Variants in PTPRT observed in about 807,000 individuals in gnomAD.
PTPRT encodes receptor-type tyrosine-protein phosphatase T.
Under a neutral mutation model 176.8 loss-of-function variants are expected in PTPRT, and 56 were observed. The ratio of observed to expected loss-of-function variants is 0.32; its 90% CI spans 0.26 to 0.40. The LOEUF is 0.40. PTPRT is among the 10% of genes least tolerant of loss of function. The pLI is 1.00. For missense variants in PTPRT, 1,540 were observed against 1,908.2 expected, an observed-to-expected ratio of 0.81 and a Z score of 3.60; for synonymous variants, 783 against 739.0, an observed-to-expected ratio of 1.06 and a Z score of -0.96.
At chr20:42,840,176 C>T (rs1048906870) in intron 2 of PTPRT, among the ~76,000 whole-genome samples, 1 of 152,050 alleles carries the variant, frequency 6.6e-6, no homozygotes, top group South Asian at 2.1e-4. Flanking sequence ...TAATCCCTGG[C>T]ATTACTTGGT....
intron 17 of PTPRT, among the ~76,000 whole-genome samples, chr20:42,149,882 C>T (rs963925877): frequency 4.6e-5 from 7 of 152,124 alleles, no homozygotes; most frequent in Admixed American, 3.9e-4. Context: ...ACTCTCCCTG[C>T]GAGTGCAACC....
At chr20:42,753,080 C>T (rs748921219) in intron 6 of PTPRT, among the ~76,000 whole-genome samples, 11 of 152,154 alleles carry the variant, frequency 7.2e-5, no homozygotes, top group Admixed American at 3.3e-4. Flanking sequence ...GGCAAGTTAG[C>T]TAGACGGACC....
At chr20:42,986,318 A>C (rs2146096945) in intron 1 of PTPRT, among the ~76,000 whole-genome samples, 1 of 152,292 alleles carries the variant, frequency 6.6e-6, no homozygotes, top group South Asian at 2.1e-4. Flanking sequence ...TCTGTGACTC[A>C]CTGAGGTGTT....
intron 7 of PTPRT, among the ~76,000 whole-genome samples, chr20:42,624,122 C>T (rs2074250822): frequency 6.6e-6 from 1 of 152,068 alleles, no homozygotes; most frequent in Admixed American, 6.5e-5. Flanking sequence ...TGAACACTGT[C>T]ATATTTAACT....
At position 42,078,837 on chromosome 20, in the gene PTPRT, A is replaced by C. The variant is rs540192384; in HGVS notation, c.*2042T>G. The C allele has an allele frequency of 5.7e-6, 1 of 174,326 alleles. No individual in the cohort carries two copies. Among genetic ancestry groups the C allele is most frequent in the South Asian group, 2.0e-4 (1 of 4,994 alleles). 10.8% of individuals were successfully genotyped at this position (174,326 alleles called of 1,614,324 possible). A position where few individuals can be genotyped will look rare whatever the true frequency, so the allele number is the denominator to read the frequency against. The stretch of plus-strand genomic sequence containing the variant: ...TTTATGCTTGTTAAGACCCAGCAGG[A>C]ATGGACGTCCCCTTCTCCAGGAAGC... On this transcript the variant is annotated 3_prime_UTR_variant, in exon 31 of 31. Transcript: ENST00000373187.
At chr20:43,100,223 A>G (rs149180456) in intron 1 of PTPRT, among the ~76,000 whole-genome samples, 1 of 152,124 alleles carries the variant, frequency 6.6e-6, no homozygotes, top group Non-Finnish European at 1.5e-5. Context: ...CTAAAAATAC[A>G]AAAACTAGCT....
chr20:42,956,325 T>G (rs141134415), intron 1 of PTPRT, among the ~76,000 whole-genome samples: 1,642 of 152,232 alleles, frequency 0.011, 13 homozygotes, highest in Non-Finnish European at 0.017. Context: ...CTCCTTTTGG[T>G]GCTCTCCTCG....
At chr20:42,951,657 G>A (rs777517765) in intron 1 of PTPRT, among the ~76,000 whole-genome samples, 1 of 152,074 alleles carries the variant, frequency 6.6e-6, no homozygotes, top group Non-Finnish European at 1.5e-5. Flanking sequence ...GCAGGGAGAG[G>A]AGTGCAACAT....
At chr20:42,704,619 C>T (rs1225713593) in intron 6 of PTPRT, among the ~76,000 whole-genome samples, 4 of 152,126 alleles carry the variant, frequency 2.6e-5, no homozygotes, top group Non-Finnish European at 5.9e-5. Flanking sequence ...CTCTGATCCT[C>T]TGACAGAACT....
chr20:42,266,811 T>C (rs1401519626), intron 13 of PTPRT, among the ~76,000 whole-genome samples: 1 of 152,174 alleles, frequency 6.6e-6, no homozygotes, highest in Non-Finnish European at 1.5e-5. Context: ...ATGTGTTACC[T>C]CTTGATCTGC....
chr20:42,895,453 C>T (rs150952737), intron 1 of PTPRT, among the ~76,000 whole-genome samples: 68 of 152,304 alleles, frequency 4.5e-4, no homozygotes, highest in African/African-American at 1.6e-3. Flanking sequence ...TCACCTTTGT[C>T]ATTCACTAAG....
At chr20:43,015,545 G>A (rs56348412) in intron 1 of PTPRT, among the ~76,000 whole-genome samples, 34,875 of 152,120 alleles carry the variant, frequency 0.23, 4,267 homozygotes, top group African/African-American at 0.31. Context: ...ACTTGGGAAC[G>A]GGGATGGATA....
chr20:42,289,071 C>T (rs1333347200), intron 12 of PTPRT, among the ~76,000 whole-genome samples: 2 of 151,904 alleles, frequency 1.3e-5, no homozygotes, highest in African/African-American at 4.8e-5. Context: ...ACCAGGTAAC[C>T]ATATGCAGAA....
chr20:42,964,212 C>T (rs1325085240), intron 1 of PTPRT, among the ~76,000 whole-genome samples: 1 of 152,078 alleles, frequency 6.6e-6, no homozygotes, highest in Non-Finnish European at 1.5e-5. Context: ...AAGAAATTGT[C>T]TCACAGACTG....
intron 7 of PTPRT, among the ~76,000 whole-genome samples, chr20:42,504,339 A>C (rs2071806855): frequency 6.6e-6 from 1 of 152,130 alleles, no homozygotes; most frequent in Non-Finnish European, 1.5e-5. Flanking sequence ...GAATGTTAAA[A>C]AAAAACCATC....
intron 1 of PTPRT, among the ~76,000 whole-genome samples, chr20:43,018,437 T>C (rs921872863): frequency 2.8e-4 from 43 of 152,328 alleles, no homozygotes; most frequent in African/African-American, 1.0e-3. Context: ...CTGTATCCCA[T>C]GATCTGAAGG....
intron 11 of PTPRT, among the ~76,000 whole-genome samples, chr20:42,323,474 G>A (rs373937565): frequency 2.0e-5 from 3 of 152,032 alleles, no homozygotes; most frequent in Admixed American, 1.3e-4. Flanking sequence ...CATGGATGAA[G>A]CTGGAAACCA....
rs565724736 is a variant in PTPRT, at chr20:42,620,590, G to A, written c.1153+57276C>T. On this transcript the variant is annotated intron_variant, in intron 7 of 30. Transcript: ENST00000373187. ...TCAGACTGCTGTGCTAGCAGTCAGC[G>A]AGATTCCGTGGGCGTAGGACCCTCC... Among the ~76,000 whole-genome samples the A allele has an allele frequency of 3.9e-5, 6 of 152,034 alleles. No individual in the cohort carries two copies. In the South Asian group the frequency reaches 6.2e-4, roughly 16 times the overall value.
intron 7 of PTPRT, among the ~76,000 whole-genome samples, chr20:42,474,187 T>G (rs1268150104): frequency 2.6e-5 from 4 of 152,178 alleles, no homozygotes; most frequent in Admixed American, 2.6e-4. Flanking sequence ...TGAGTGGCAG[T>G]GCTGGGAGCA....
Sources: allele counts gnomAD v4.1 joint callset (sites outside exome capture counted in the v4.1 genomes callset), GRCh38; gene constraint gnomAD v4.1.1; transcripts MANE v1.5; gene names NCBI Gene and HGNC (gene_info 2026-07-23, HGNC 2026-07-21).